The following EYS variants were observed in gnomAD, a reference collection of about 807,000 sequenced individuals.
EYS encodes protein eyes shut homolog.
EYS carries 250 observed loss-of-function variants against 282.1 expected under a neutral mutation model. That is an observed-to-expected ratio of 0.89 (90% CI 0.80 to 0.98). The LOEUF (loss-of-function observed/expected upper bound fraction) is 0.98. Among genes scored for constraint, EYS ranks in the 50% least tolerant of loss-of-function variants. The pLI is 0.00. For missense variants in EYS, 4,016 were observed against 3,709.0 expected (o/e 1.08, Z -2.15); for synonymous variants, 1,355 against 1,282.9 (o/e 1.06, Z -1.20).
intron 5 of EYS, among the ~76,000 whole-genome samples, chr6:65,409,642 C>A (rs1468601054): frequency 1.3e-5 from 2 of 152,114 alleles, no homozygotes; most frequent in African/African-American, 4.8e-5. Flanking sequence ...AGTTTATAAC[C>A]ATTTTCATCC....
At chr6:64,116,103 T>C (rs1226011340) in intron 31 of EYS, among the ~76,000 whole-genome samples, 1 of 151,962 alleles carries the variant, frequency 6.6e-6, no homozygotes, top group East Asian at 1.9e-4. Context: ...TAATACAGAA[T>C]TCAATTAATG....
chr6:64,875,904 ATTAC>A (rs1382705374), intron 19 of EYS, among the ~76,000 whole-genome samples: 1 of 152,038 alleles, frequency 6.6e-6, no homozygotes, highest in South Asian at 2.1e-4. Flanking sequence ...TTTAATAGAC[ATTAC>A]TTAATCTCAA....
chr6:65,256,066 A>G (rs1042740850), intron 12 of EYS, among the ~76,000 whole-genome samples: 3 of 152,040 alleles, frequency 2.0e-5, no homozygotes, highest in African/African-American at 7.2e-5. Flanking sequence ...TTGCAGCACT[A>G]ATGACAATAA....
At chr6:65,113,734 G>A (rs768236963) in intron 12 of EYS, among the ~76,000 whole-genome samples, 7 of 146,250 alleles carry the variant, frequency 4.8e-5, no homozygotes, top group Non-Finnish European at 9.0e-5. Flanking sequence ...GGAAGACAAA[G>A]CAATTTACTG....
chr6:65,005,606 A>C (rs1313152529), intron 13 of EYS, among the ~76,000 whole-genome samples: 2 of 147,742 alleles, frequency 1.4e-5, no homozygotes, highest in African/African-American at 4.9e-5. Context: ...CCTGTCCGCC[A>C]GTTAAAAACG....
Position 63,788,222 on chromosome 6 carries a change from T to C in EYS, c.7606A>G (p.Ile2536Val). 6.5e-7 allele frequency: 1 copy of C among 1,538,748 alleles called. No individual in the cohort carries two copies. The highest frequency in any genetic ancestry group is 8.7e-7 in the Non-Finnish European group (1 of 1,143,532). Residue 2536 changes from isoleucine (I) to valine (V), a missense_variant, in exon 39 of 43, where the codon ATC (isoleucine) becomes GTC (valine). Transcript: ENST00000503581. ...KVDDHKNKSI[I>V]APGRLVGLNV... ...AGACCAACCAGTCTTCCTGGGGCGA[T>C]AATGGATTTATTTTTATGATCATCT...
rs1298629386 is a variant in EYS, at chr6:65,398,312, G to C, written c.1184+4166C>G. On this transcript the variant is annotated intron_variant, in intron 7 of 42. Transcript: ENST00000503581. Reference sequence around the variant, plus strand: ...ACACATAGATTAATGAAACAGAATAGAGAACCACATACCTACAACAAATTG... The same window carrying C: ...ACACATAGATTAATGAAACAGAATACAGAACCACATACCTACAACAAATTG... Among the ~76,000 whole-genome samples, 3 of 151,950 alleles carry C rather than the reference G, an allele frequency of 2.0e-5. No individual in the cohort carries two copies. The South Asian group carries it at 6.2e-4, about 32-fold the overall frequency.
At chr6:65,178,463 A>C (rs746786475) in intron 12 of EYS, among the ~76,000 whole-genome samples, 5 of 152,032 alleles carry the variant, frequency 3.3e-5, no homozygotes, top group Admixed American at 6.6e-5. Context: ...TCAGACGAAG[A>C]AGGCCATTAC....
intron 2 of EYS, among the ~76,000 whole-genome samples, chr6:65,614,891 C>T (rs1038053999): frequency 2.0e-5 from 3 of 151,818 alleles, no homozygotes; most frequent in Non-Finnish European, 4.4e-5. Context: ...AAGTTATAGA[C>T]ATAAACACAT....
At chr6:64,986,762 T>TTAA (rs370281877) in intron 14 of EYS, among the ~76,000 whole-genome samples, 52,957 of 150,648 alleles carry the variant, frequency 0.35, 11,428 homozygotes, top group Admixed American at 0.49. Flanking sequence ...TAGTTAAAAT[T>TTAA]GATGTATTTT....
At chr6:64,098,004 AAAAT>A (rs1259822032) in intron 31 of EYS, among the ~76,000 whole-genome samples, 22 of 152,344 alleles carry the variant, frequency 1.4e-4, no homozygotes, top group African/African-American at 4.8e-4. Context: ...TCAGACTGGA[AAAAT>A]AAATCTCATA....
In EYS at chr6:63,984,622, C is replaced by A. The variant is rs528900765; in HGVS notation, c.6835-19G>T. ...AATATGCCTGTAGAAAAAGTAACAA[C>A]AAAAAATATTATAGGTTGTTGTCAG... On this transcript the variant is annotated intron_variant, in intron 34 of 42. Coordinates refer to ENST00000503581, the MANE Select transcript of EYS (RefSeq NM_001142800.2). 2 of 1,473,086 alleles carry A rather than the reference C, an allele frequency of 1.4e-6. No individual in the cohort carries two copies. The highest frequency in any genetic ancestry group is 9.3e-7 in the Non-Finnish European group (1 of 1,078,912). The allele number at this position is 1,473,086 out of a possible 1,614,324, so 91.3% of individuals were successfully genotyped here.
chr6:65,215,651 C>T (rs1218709427), intron 12 of EYS, among the ~76,000 whole-genome samples: 2 of 152,166 alleles, frequency 1.3e-5, no homozygotes, highest in Non-Finnish European at 2.9e-5. Context: ...GGGTAAAACG[C>T]TGTCAAACAG....
At chr6:64,923,222 A>C (rs923997901) in intron 15 of EYS, among the ~76,000 whole-genome samples, 2 of 152,096 alleles carry the variant, frequency 1.3e-5, no homozygotes, top group African/African-American at 4.8e-5. Context: ...TGGGAGGCGA[A>C]AGGTATGTCT....
At chr6:64,438,458 C>A (rs1661064240) in intron 27 of EYS, among the ~76,000 whole-genome samples, 1 of 151,718 alleles carries the variant, frequency 6.6e-6, no homozygotes, top group Non-Finnish European at 1.5e-5. Flanking sequence ...AGGCAAATAA[C>A]ACCCCTTGCC....
At chr6:64,674,289 G>T (rs1232228415) in intron 22 of EYS, among the ~76,000 whole-genome samples, 1 of 152,048 alleles carries the variant, frequency 6.6e-6, no homozygotes, top group East Asian at 1.9e-4. Flanking sequence ...TGTTCAATAG[G>T]TGCTCTGAGA....
At chr6:65,343,266 G>A (rs1311950639) in intron 10 of EYS, among the ~76,000 whole-genome samples, 2 of 151,224 alleles carry the variant, frequency 1.3e-5, no homozygotes, top group African/African-American at 4.8e-5. Flanking sequence ...AAAGAAAAGG[G>A]CTTATGAGTC....
chr6:63,928,953 C>T (rs1764806904), intron 35 of EYS, among the ~76,000 whole-genome samples: 1 of 152,106 alleles, frequency 6.6e-6, no homozygotes, highest in Non-Finnish European at 1.5e-5. Flanking sequence ...GTCAGAGAAG[C>T]AGGAGGTGAT....
At chr6:63,726,724 A>G in intron 41 of EYS, 44 bp from the exon 42 acceptor site, 1 of 1,465,160 alleles carries the variant, frequency 6.8e-7, no homozygotes, top group Non-Finnish European at 9.3e-7. Flanking sequence ...TATCTGCTGG[A>G]TTAAAAAACA....
Sources: gnomAD v4.1 joint callset for allele counts (sites outside exome capture counted in the v4.1 genomes callset) on GRCh38, gnomAD v4.1.1 for gene constraint, MANE v1.5 for transcripts, NCBI Gene and HGNC (gene_info 2026-07-23, HGNC 2026-07-21) for gene names.